The following COL17A1 variants were observed in gnomAD, a reference collection of about 807,000 sequenced individuals.
COL17A1 encodes the protein collagen alpha-1(XVII) chain.
Under a neutral mutation model 218.4 loss-of-function variants are expected in COL17A1, and 181 were observed. The ratio of observed to expected loss-of-function variants is 0.83; its 90% CI spans 0.73 to 0.94. COL17A1 has a LOEUF of 0.94. Ranked by LOEUF, COL17A1 falls within the 40% of genes least tolerant of loss-of-function variation. The probability of loss-of-function intolerance (pLI) is 0.00; values close to 1 mark genes in which losing one functional copy is unlikely to be tolerated. For missense variants in COL17A1, 1,924 were observed against 1,945.9 expected, an observed-to-expected ratio of 0.99 and a Z score of 0.21; for synonymous variants, 721 against 731.0, an observed-to-expected ratio of 0.99 and a Z score of 0.22.
In COL17A1 at chr10:104,070,633, T is replaced by TG. The variant is rs921662115; in HGVS notation, c.464-65dup. 7.4e-6 allele frequency: 12 copies of TG among 1,613,070 alleles called. No individual in the cohort carries two copies. The African/African-American group carries it at 1.3e-4, about 18-fold the overall frequency. On this transcript the variant is annotated intron_variant, in intron 8 of 55. Coordinates refer to ENST00000648076, the MANE Select transcript of COL17A1 (RefSeq NM_000494.4). ...GTTCTTTCCTGAGTCCCTGTGCAACTGGGGGGAACATTTGTGGCATTCTGA... is the reference window on the plus strand; with the variant it reads ...GTTCTTTCCTGAGTCCCTGTGCAACTGGGGGGGAACATTTGTGGCATTCTGA...
At chr10:104,036,130 A>ATGGGAGTGTGAG (rs1564671408) in intron 48 of COL17A1, among the ~76,000 whole-genome samples, 20 of 244 alleles carry the variant, frequency 0.082, 9 homozygotes, top group South Asian at 0.17. Context: ...GAGTGTGTGT[A>ATGGGAGTGTGAG]TATGTGTGTG....
chr10:104,079,776 A>T (rs915609711), intron 2 of COL17A1, among the ~76,000 whole-genome samples: 2 of 151,994 alleles, frequency 1.3e-5, no homozygotes, highest in Non-Finnish European at 2.9e-5. Context: ...AAACACAAAA[A>T]ATTAGCTGGG....
intron 23 of COL17A1, 86 bp downstream of exon 23, chr10:104,052,945 A>G: frequency 6.8e-7 from 1 of 1,481,320 alleles, no homozygotes; most frequent in Non-Finnish European, 9.4e-7. Flanking sequence ...GGAGAAACAG[A>G]GACAGAGTGA....
At chr10:104,052,240 G>C in intron 23 of COL17A1, 23 bp from the exon 24 acceptor site, 1 of 1,614,084 alleles carries the variant, frequency 6.2e-7, no homozygotes, top group African/African-American at 1.3e-5. Context: ...GGAGGGATGA[G>C]CACTTTGGGA....
At chr10:104,042,367 A>G in intron 36 of COL17A1, 53 bp downstream of exon 36, 1 of 1,599,658 alleles carries the variant, frequency 6.3e-7, no homozygotes, top group South Asian at 1.1e-5. Context: ...CCCTGAGAGG[A>G]AAGTCCTCCC....
intron 46 of COL17A1, 78 bp downstream of exon 46, chr10:104,037,558 C>G: frequency 6.4e-7 from 1 of 1,560,554 alleles, no homozygotes; most frequent in Non-Finnish European, 8.8e-7. Flanking sequence ...AAACAGCAAA[C>G]GAGGAGATGA....
intron 44 of COL17A1, 140 bp from the exon 45 acceptor site, chr10:104,038,668 C>A (rs1589558469): frequency 3.7e-6 from 4 of 1,090,526 alleles, no homozygotes; most frequent in Non-Finnish European, 5.3e-6. Flanking sequence ...GAAGGGTCCC[C>A]GAGAAGAGAA....
intron 19 of COL17A1, 118 bp from the exon 20 acceptor site, chr10:104,055,125 T>C: frequency 2.6e-6 from 4 of 1,552,272 alleles, no homozygotes; most frequent in South Asian, 1.2e-5. Context: ...TGAGGCGACA[T>C]GCGGCGAGTC....
chr10:104,034,016 A>C lies in COL17A1; in HGVS notation c.4085T>G (p.Leu1362Arg). Residue 1362 changes from leucine to arginine, a missense_variant, in exon 52 of 56, where the codon CTA (leucine) becomes CGA (arginine). Physicochemically the swap from Leu to Arg is moderately radical, Grantham distance 102. Transcript: ENST00000648076. ...EGGMYAGNGG[L>R]LGADFAGDLD... ...ATCTCCAGCAAAGTCAGCTCCCAAT[A>C]GTCCGCCATTGCCAGCATACATGCC... is the stretch of plus-strand genomic sequence containing the variant. 1 of 1,614,196 alleles carries C rather than the reference A, an allele frequency of 6.2e-7. No homozygotes were observed. Among genetic ancestry groups the C allele is most frequent in the Non-Finnish European group, 8.5e-7 (1 of 1,180,032 alleles).
rs1214065652 is a variant in COL17A1, at chr10:104,054,900, G to A, written c.1744+81C>T. ...CAAATTACTTCTTGGAGTGCAAGGT[G>A]GGTTTTCTGACACTTGCTGATTGTT... is the stretch of plus-strand genomic sequence containing the variant. On this transcript the variant is annotated intron_variant, in intron 20 of 55. Transcript: ENST00000648076. 1.2e-5 allele frequency: 20 copies of A among 1,603,846 alleles called. 1 individual carries two copies. The highest frequency in any genetic ancestry group is 4.5e-5 in the East Asian group (2 of 44,808).
rs1157706209 is a variant in COL17A1 at position 104,081,183 on chromosome 10, G to T, written c.-11-499C>A. ...CTGGAGGTAAGAATGGCACTTGATG[G>T]ATTTAAATCAGGATAAAAATAATTA... On this transcript the variant is annotated intron_variant, in intron 1 of 55. Coordinates refer to ENST00000648076, the MANE Select transcript of COL17A1 (RefSeq NM_000494.4). Among the ~76,000 whole-genome samples the T allele has an allele frequency of 4.6e-5, 7 of 152,120 alleles. No individual in the cohort carries two copies. The South Asian group carries it at 1.0e-3, about 23-fold the overall frequency.
chr10:104,074,673 G>A (rs1440748419), intron 5 of COL17A1, among the ~76,000 whole-genome samples: 1 of 152,168 alleles, frequency 6.6e-6, no homozygotes, highest in Non-Finnish European at 1.5e-5. Flanking sequence ...CCCTGGTCAG[G>A]CCCGACCTCA....
intron 44 of COL17A1, 134 bp downstream of exon 44, chr10:104,038,937 A>G (rs1564672902): frequency 1.9e-6 from 2 of 1,052,612 alleles, no homozygotes; most frequent in Non-Finnish European, 3.0e-6. Flanking sequence ...CATAGGTCCT[A>G]GCACATGGAG....
chr10:104,045,910 G>A, intron 32 of COL17A1, 117 bp from the exon 33 acceptor site: 1 of 869,204 alleles, frequency 1.2e-6, no homozygotes, highest in South Asian at 1.3e-5. Flanking sequence ...GAAACCCTGG[G>A]ACGCACCAGC....
At chr10:104,056,953 C>G in intron 17 of COL17A1, 22 bp downstream of exon 17, 11 of 1,556,256 alleles carry the variant, frequency 7.1e-6, no homozygotes, top group Non-Finnish European at 8.7e-6. Context: ...ACACAGGCTG[C>G]CCTGCTGCCT....
rs775877857 is a variant in COL17A1, at chr10:104,052,193, T to G, written c.1964A>C (p.His655Pro). ...AGAACCTGGGACACCAGGTGGGCCA[T>G]GAGGACCTGGTTCACCAGCAGCCCC... is the stretch of plus-strand genomic sequence containing the variant. The part of the protein sequence containing the change: ...ERGAAGEPGP[H>P]GPPGVPGSVG... The change falls in exon 24 of 56, where the codon CAT (histidine) becomes CCT (proline). Residue 655 changes from histidine to proline, a missense_variant. Coordinates refer to ENST00000648076, the MANE Select transcript of COL17A1 (RefSeq NM_000494.4). 7.4e-5 allele frequency: 119 copies of G among 1,614,014 alleles called. No individual in the cohort carries two copies. Among genetic ancestry groups the G allele is most frequent in the Non-Finnish European group, 9.2e-5 (108 of 1,179,984 alleles).
At chr10:104,055,138 T>C (rs1036228330) in intron 19 of COL17A1, 131 bp from the exon 20 acceptor site, 26 of 1,513,898 alleles carry the variant, frequency 1.7e-5, no homozygotes, top group East Asian at 2.4e-5. Flanking sequence ...GGCGAGTCCC[T>C]CCCAGTCCCA....
intron 1 of COL17A1, 60 bp from the exon 2 acceptor site, chr10:104,080,744 G>A (rs765548448): frequency 6.5e-7 from 1 of 1,550,222 alleles, no homozygotes. Flanking sequence ...GTAATTATAG[G>A]TCCCCACTGT....
At chr10:104,044,816 A>G (rs1236745628) in intron 33 of COL17A1, among the ~76,000 whole-genome samples, 1 of 152,164 alleles carries the variant, frequency 6.6e-6, no homozygotes. Flanking sequence ...TCCAAAACCT[A>G]TGAGACTCTT....
Sources: allele counts gnomAD v4.1 joint callset (sites outside exome capture counted in the v4.1 genomes callset), GRCh38; gene constraint gnomAD v4.1.1; transcripts MANE v1.5; gene names NCBI Gene and HGNC (gene_info 2026-07-23, HGNC 2026-07-21).